Variants in FAM193A observed in about 807,000 individuals in gnomAD.
FAM193A encodes family with sequence similarity 193 member A, also known as protein FAM193A.
A neutral mutation model predicts 126.5 loss-of-function variants in FAM193A; 22 were observed. That is an observed-to-expected ratio of 0.17 (90% CI 0.12 to 0.25). The LOEUF is 0.25. Among genes scored for constraint, FAM193A ranks in the 10% least tolerant of loss-of-function variants. The pLI, the probability that FAM193A is intolerant of heterozygous loss-of-function variation, is 1.00. For missense variants in FAM193A, 1,675 were observed against 1,672.8 expected (o/e 1.00, Z -0.02); for synonymous variants, 761 against 646.8 (o/e 1.18, Z -2.68).
chr4:2,589,523 A>G (rs1419481442), intron 1 of FAM193A, among the ~76,000 whole-genome samples: 1 of 152,218 alleles, frequency 6.6e-6, no homozygotes, highest in African/African-American at 2.4e-5. Flanking sequence ...TTGAGTTTCC[A>G]TGGAACAGCC....
chr4:2,678,814 T>C (rs1413615813), intron 13 of FAM193A, among the ~76,000 whole-genome samples: 5 of 152,242 alleles, frequency 3.3e-5, no homozygotes, highest in African/African-American at 1.2e-4. Context: ...TCTAACAGAC[T>C]GTTTTTGTGG....
At chr4:2,588,973 G>T (rs1740379113) in intron 1 of FAM193A, among the ~76,000 whole-genome samples, 1 of 152,120 alleles carries the variant, frequency 6.6e-6, no homozygotes, top group East Asian at 1.9e-4. Flanking sequence ...TTGCCCTTTT[G>T]CTGTATGGAG....
At chr4:2,539,954 C>T (rs1331511331) in intron 1 of FAM193A, among the ~76,000 whole-genome samples, 2 of 151,724 alleles carry the variant, frequency 1.3e-5, no homozygotes, top group Non-Finnish European at 2.9e-5. Flanking sequence ...CCCGTCTCTA[C>T]TAAAAATACA....
rs753479112 is a variant in FAM193A at position 2,689,659 on chromosome 4, G to A, written c.2485G>A (p.Asp829Asn). Residue 829 changes from aspartate (D) to asparagine (N), a missense_variant, in exon 14 of 21, where the codon GAT becomes AAT. Physicochemically the swap from Asp to Asn is conservative, Grantham distance 23. This residue lies in a region of FAM193A where 1,186 missense variants were observed against 1,109.2 expected (regional missense o/e 1.07). Transcript: ENST00000637812. ...ISLWGSEVMN[D>N]KNWNPGTFLP... ...TCTTTGGGGATCAGAAGTGATGAAT[G>A]ATAAGAACTGGAATCCTGGCACTTT... is the stretch of plus-strand genomic sequence containing the variant. 1 of 1,576,242 alleles carries A rather than the reference G, an allele frequency of 6.3e-7. No homozygotes were observed. Among genetic ancestry groups the A allele is most frequent in the South Asian group, 1.2e-5 (1 of 83,422 alleles).
At chr4:2,541,739 C>T (rs1212688799) in intron 1 of FAM193A, among the ~76,000 whole-genome samples, 3 of 152,096 alleles carry the variant, frequency 2.0e-5, no homozygotes, top group African/African-American at 7.2e-5. Flanking sequence ...CCACTGCAGC[C>T]TCTCTATTGT....
intron 1 of FAM193A, among the ~76,000 whole-genome samples, chr4:2,584,510 T>C (rs1740125446): frequency 1.3e-5 from 2 of 152,070 alleles, no homozygotes; most frequent in Admixed American, 1.3e-4. Flanking sequence ...TGTACAGGTT[T>C]GCAAATTAAT....
At chr4:2,537,744 G>A (rs1736975893) in intron 1 of FAM193A, among the ~76,000 whole-genome samples, 1 of 152,184 alleles carries the variant, frequency 6.6e-6, no homozygotes, top group Non-Finnish European at 1.5e-5. Context: ...CCTCCTATGT[G>A]GTTATTTGAA....
At chr4:2,583,822 T>C (rs1577038560) in intron 1 of FAM193A, among the ~76,000 whole-genome samples, 1 of 152,164 alleles carries the variant, frequency 6.6e-6, no homozygotes, top group African/African-American at 2.4e-5. Context: ...TAACCACAGC[T>C]CTCCAGCAGG....
chr4:2,543,983 TG>T (rs1379964805), intron 1 of FAM193A, among the ~76,000 whole-genome samples: 1 of 151,898 alleles, frequency 6.6e-6, no homozygotes, highest in Non-Finnish European at 1.5e-5. Context: ...TATGGATCTT[TG>T]GGGTACATGA....
chr4:2,682,241 C>T (rs1354912743), intron 13 of FAM193A, among the ~76,000 whole-genome samples: 3 of 152,094 alleles, frequency 2.0e-5, no homozygotes, highest in South Asian at 2.1e-4. Context: ...ACCTCAGCCT[C>T]GCAAAGTGCT....
intron 7 of FAM193A, chr4:2,654,803 A>G (rs1324921058): frequency 1.5e-5 from 5 of 324,250 alleles, no homozygotes; most frequent in Non-Finnish European, 2.8e-5. Context: ...TTGTGCCTCC[A>G]TAGTCTGTAG....
chr4:2,689,743 AACCTGAGTAG>A, intron 14 of FAM193A, 39 bp downstream of exon 14: 1 of 1,435,750 alleles, frequency 7.0e-7, no homozygotes, highest in South Asian at 1.3e-5. Flanking sequence ...GTTTTAAAAT[AACCTGAGTAG>A]ACTGACATCT....
intron 19 of FAM193A, among the ~76,000 whole-genome samples, chr4:2,711,765 A>G (rs966297928): frequency 6.6e-6 from 1 of 151,872 alleles, no homozygotes; most frequent in Non-Finnish European, 1.5e-5. Flanking sequence ...TGTATCTACT[A>G]AAAATACAAA....
At chr4:2,719,788 C>T (rs1225953303) in intron 20 of FAM193A, among the ~76,000 whole-genome samples, 1 of 148,038 alleles carries the variant, frequency 6.8e-6, no homozygotes, top group African/African-American at 2.5e-5. Flanking sequence ...CCCTCCCTCC[C>T]TCCCTCCCTT....
At chr4:2,587,619 G>A (rs967071685) in intron 1 of FAM193A, among the ~76,000 whole-genome samples, 1 of 152,174 alleles carries the variant, frequency 6.6e-6, no homozygotes, top group Non-Finnish European at 1.5e-5. Context: ...TTGATAGCCC[G>A]GGTGGTGGAG....
chr4:2,603,292 T>G (rs1414756324), intron 2 of FAM193A, among the ~76,000 whole-genome samples: 1 of 132 alleles, frequency 7.6e-3, no homozygotes, highest in Non-Finnish European at 0.016. Flanking sequence ...CTTTTTTTGT[T>G]TTTTTTTTTG....
intron 2 of FAM193A, among the ~76,000 whole-genome samples, chr4:2,596,544 A>G (rs1740875073): frequency 1.3e-5 from 2 of 152,186 alleles, no homozygotes; most frequent in Admixed American, 1.3e-4. Context: ...TCTGGGCACA[A>G]TTCAGTCATC....
chr4:2,688,786 A>G (rs987255129), intron 13 of FAM193A, among the ~76,000 whole-genome samples: 2 of 152,282 alleles, frequency 1.3e-5, no homozygotes, highest in Non-Finnish European at 2.9e-5. Context: ...TAAGGAGGTC[A>G]GCAGCCAGGG....
chr4:2,724,177 CA>C (rs1156298070), intron 20 of FAM193A, among the ~76,000 whole-genome samples: 1 of 152,114 alleles, frequency 6.6e-6, no homozygotes, highest in African/African-American at 2.4e-5. Context: ...TAAACAGATC[CA>C]TCTAATTTCA....
Sources: gnomAD v4.1 joint callset for allele counts (sites outside exome capture counted in the v4.1 genomes callset) on GRCh38, gnomAD v4.1.1 for gene constraint, gnomAD v4.1.1 regional missense constraint, MANE v1.5 for transcripts, NCBI Gene and HGNC (gene_info 2026-07-23, HGNC 2026-07-21) for gene names.